CMYA5: variants seen among roughly 807,000 people sequenced by gnomAD.
The protein encoded by CMYA5 is cardiomyopathy-associated protein 5.
CMYA5 carries 246 observed loss-of-function variants against 318.9 expected under a neutral mutation model. That is an observed-to-expected ratio of 0.77 (90% confidence interval 0.70 to 0.86). The LOEUF is 0.86. CMYA5 is among the 40% of genes least tolerant of loss of function. The pLI is 0.00. For synonymous variants in CMYA5, 1,641 were observed against 1,729.5 expected (o/e 0.95, Z 1.27); for missense variants, 4,589 against 4,678.2 (o/e 0.98, Z 0.56).
chr5:79,720,427 AAT>A (rs1561201237), intron 1 of CMYA5, among the ~76,000 whole-genome samples: 1 of 136,806 alleles, frequency 7.3e-6, no homozygotes, highest in African/African-American at 2.9e-5. Flanking sequence ...CTGCCAATCT[AAT>A]TTTTTTTTTT....
intron 1 of CMYA5, among the ~76,000 whole-genome samples, chr5:79,726,853 G>A (rs1827756828): frequency 6.6e-6 from 1 of 150,634 alleles, no homozygotes; most frequent in Admixed American, 6.6e-5. Flanking sequence ...GGTTTGCAGT[G>A]AGAAAGAAAG....
chr5:79,722,613 G>C (rs1364927032), intron 1 of CMYA5, among the ~76,000 whole-genome samples: 1 of 146,420 alleles, frequency 6.8e-6, no homozygotes, highest in Non-Finnish European at 1.5e-5. Context: ...GGAGGCGAAG[G>C]TTGCAGGGAG....
chr5:79,717,373 G>A (rs1827538857), intron 1 of CMYA5, among the ~76,000 whole-genome samples: 1 of 152,140 alleles, frequency 6.6e-6, no homozygotes, highest in Non-Finnish European at 1.5e-5. Context: ...TCTTATAAAG[G>A]AGCTAAGATA....
intron 6 of CMYA5, among the ~76,000 whole-genome samples, chr5:79,757,067 C>T (rs951515053): frequency 6.6e-6 from 1 of 151,556 alleles, no homozygotes; most frequent in Non-Finnish European, 1.5e-5. Flanking sequence ...TGGTAGTGGG[C>T]GCCTGTAATC....
intron 6 of CMYA5, among the ~76,000 whole-genome samples, chr5:79,753,788 A>T (rs1828477545): frequency 7.8e-6 from 1 of 128,134 alleles, no homozygotes; most frequent in Admixed American, 7.9e-5. Flanking sequence ...CCAGCCCTTT[A>T]TAAAATTAAA....
In CMYA5 at chr5:79,732,770, A is replaced by G. The variant is rs1290383519; in HGVS notation, c.4005A>G (p.Ala1335=). The change falls in exon 2 of 13, where the codon GCA becomes GCG. Residue 1335 remains alanine (A), a synonymous_variant. Coordinates refer to ENST00000446378, the MANE Select transcript of CMYA5 (RefSeq NM_153610.5). ...TTGAACATGGTCCACCTGCACTAGCATTTTCAGCTTTGTCAGAAGAAATTA... is the reference window on the plus strand; with the variant it reads ...TTGAACATGGTCCACCTGCACTAGCGTTTTCAGCTTTGTCAGAAGAAATTA... ...KQVEHGPPAL[A]FSALSEEIKK... 2 of 1,613,782 alleles carry G rather than the reference A, an allele frequency of 1.2e-6. No homozygotes were observed. The highest frequency in any genetic ancestry group is 3.3e-5 in the Admixed American group (2 of 59,954).
At chr5:79,713,663 A>T (rs571804247) in intron 1 of CMYA5, among the ~76,000 whole-genome samples, 1 of 151,030 alleles carries the variant, frequency 6.6e-6, no homozygotes, top group East Asian at 2.0e-4. Context: ...TTGATTGTGC[A>T]TGCTAAAGCC....
In CMYA5 at chr5:79,734,981, C is replaced by T. The variant is rs749259076; in HGVS notation, c.6216C>T (p.Ala2072=). The T allele has an allele frequency of 6.2e-7, 1 of 1,613,570 alleles. No homozygotes were observed. The highest frequency in any genetic ancestry group is 1.3e-5 in the African/African-American group (1 of 74,888). The change falls in exon 2 of 13, where the codon GCC becomes GCT. Residue 2072 remains alanine (A), a synonymous_variant. Transcript: ENST00000446378. ...CAATCTCCTCTTCTGTCAAAACAGC[C>T]CATTTCCCGGCAGAAGGTGTGGAAC... ...SETISSSVKT[A]HFPAEGVEPA... is the part of the protein sequence containing the mutation.
rs1255828960 is a variant in CMYA5, at chr5:79,735,523, T to C, written c.6758T>C (p.Leu2253Ser). 1.2e-6 allele frequency: 2 copies of C among 1,612,974 alleles called. No homozygotes were observed. The highest frequency in any genetic ancestry group is 1.3e-5 in the African/African-American group (1 of 74,856). ...ACTGCTGATGAACCCAGAGGTACTTTAGTAAAATCTGGTGACGGTCAAAAC... is the reference window on the plus strand; with the variant it reads ...ACTGCTGATGAACCCAGAGGTACTTCAGTAAAATCTGGTGACGGTCAAAAC... ...LKTADEPRGTLVKSGDGQNVK... is the reference protein window; with the variant it reads ...LKTADEPRGTSVKSGDGQNVK... Residue 2253 changes from leucine (L) to serine (S), a missense_variant, in exon 2 of 13, where the codon TTA (leucine) becomes TCA (serine). By Grantham distance (145) the Leu-to-Ser change is moderately radical (BLOSUM62 -2). This residue lies in a region of CMYA5 where 2,431 missense variants were observed against 2,495.1 expected (regional missense o/e 0.97). Coordinates refer to ENST00000446378, the MANE Select transcript of CMYA5 (RefSeq NM_153610.5).
At position 79,729,016 on chromosome 5, in the gene CMYA5, C is replaced by A. The variant is rs878967030; in HGVS notation, c.251C>A (p.Thr84Asn). The A allele has an allele frequency of 1.2e-6, 2 of 1,613,902 alleles. No individual in the cohort carries two copies. Among genetic ancestry groups the A allele is most frequent in the South Asian group, 2.2e-5 (2 of 91,082 alleles). Residue 84 changes from threonine (T) to asparagine (N), a missense_variant, in exon 2 of 13, where the codon ACC becomes AAC. Thr to Asn is a moderately conservative substitution (Grantham distance 65). Around this residue, in one of 3 missense-constraint regions of CMYA5, gnomAD observed 2,132 missense variants for 2,131.3 expected, o/e 1.00. Coordinates refer to ENST00000446378, the MANE Select transcript of CMYA5 (RefSeq NM_153610.5). ...GTCCAAAGGGAAGATAGTGGGATAACCTGGGAAACCAATTCAAGTAGATCT... is the reference window on the plus strand; with the variant it reads ...GTCCAAAGGGAAGATAGTGGGATAAACTGGGAAACCAATTCAAGTAGATCT... ...VTVQREDSGI[T>N]WETNSSRSST...
In CMYA5 at chr5:79,789,049, C is replaced by T. The variant is rs1829131338; in HGVS notation, c.11634C>T (p.Ala3878=). The T allele has an allele frequency of 3.7e-6, 6 of 1,613,912 alleles. No individual in the cohort carries two copies. The East Asian group carries it at 1.3e-4, about 36-fold the overall frequency. ...PNDNYFFYVR[A]INAFGTSEQS... ...ATAACTACTTTTTCTATGTGAGGGC[C>T]ATCAATGCATTTGGGACAAGTGAAC... Residue 3878 remains alanine, a synonymous_variant, in exon 10 of 13, where the codon GCC becomes GCT. Transcript: ENST00000446378.
At chr5:79,778,811 C>CTGTGTGTGTGTGTGTGTGTGTGTGTGTG (rs35461782) in intron 9 of CMYA5, among the ~76,000 whole-genome samples, 3 of 85,022 alleles carry the variant, frequency 3.5e-5, no homozygotes, top group Non-Finnish European at 6.2e-5. Context: ...CTCTCTCTTT[C>CTGTGTGTGTGTGTGTGTGTGTGTGTGTG]TGTGTGTGTG....
intron 9 of CMYA5, among the ~76,000 whole-genome samples, chr5:79,765,671 G>A (rs1580795513): frequency 6.6e-6 from 1 of 152,280 alleles, no homozygotes. Flanking sequence ...TCTTTGAGCA[G>A]TGGTTTGTAG....
At position 79,738,468 on chromosome 5, in the gene CMYA5, G is replaced by A. The variant is rs1347284512; in HGVS notation, c.9703G>A (p.Gly3235Arg). ...SRNSDTDDGT[G>R]IYFEKYILKD... Reference sequence around the variant, plus strand: ...AAATTCTGACACTGATGATGGAACAGGAATATATTTTGAGAAGTACATACT... The same window carrying A: ...AAATTCTGACACTGATGATGGAACAAGAATATATTTTGAGAAGTACATACT... The change falls in exon 2 of 13, where the codon GGA becomes AGA. Residue 3235 changes from glycine (G) to arginine (R), a missense_variant. By Grantham distance (125) the Gly-to-Arg change is moderately radical. Around this residue, in one of 3 missense-constraint regions of CMYA5, gnomAD observed 2,431 missense variants for 2,495.1 expected, o/e 0.97. Coordinates refer to ENST00000446378, the MANE Select transcript of CMYA5 (RefSeq NM_153610.5). 4 of 1,613,616 alleles carry A rather than the reference G, an allele frequency of 2.5e-6. No individual in the cohort carries two copies. The highest frequency in any genetic ancestry group is 3.4e-6 in the Non-Finnish European group (4 of 1,179,868).
At position 79,789,125 on chromosome 5, in the gene CMYA5, A is replaced by G. The variant is rs764821402; in HGVS notation, c.11689+21A>G. On this transcript the variant is annotated intron_variant, in intron 10 of 12. Transcript: ENST00000446378. ...CAGAGGTACTTTCTCCTTTGCACAC[A>G]GTGAGCTATTTCCAAGCTATTTCTT... 5.0e-6 allele frequency: 8 copies of G among 1,612,452 alleles called. No homozygotes were observed. In the African/African-American group the frequency reaches 6.7e-5, roughly 13 times the overall value.
At chr5:79,717,326 T>C (rs1207774292) in intron 1 of CMYA5, among the ~76,000 whole-genome samples, 1 of 152,148 alleles carries the variant, frequency 6.6e-6, no homozygotes, top group Non-Finnish European at 1.5e-5. Context: ...AAAGAAACAC[T>C]AAGGGACATT....
intron 9 of CMYA5, among the ~76,000 whole-genome samples, chr5:79,776,388 A>G (rs1828938872): frequency 6.6e-6 from 1 of 152,242 alleles, no homozygotes; most frequent in South Asian, 2.1e-4. Flanking sequence ...AAAAAGTTCC[A>G]TATTGACAGT....
intron 11 of CMYA5, 50 bp from the exon 12 acceptor site, chr5:79,793,387 C>A: frequency 6.5e-7 from 1 of 1,540,888 alleles, no homozygotes; most frequent in Non-Finnish European, 8.9e-7. Context: ...TTATGAGATA[C>A]AGGCCGGCGA....
rs917577505 is a variant in CMYA5 at position 79,731,201 on chromosome 5, A to G, written c.2436A>G (p.Gln812=). The G allele has an allele frequency of 3.7e-6, 6 of 1,614,026 alleles. No individual in the cohort carries two copies. Among genetic ancestry groups the G allele is most frequent in the Non-Finnish European group, 5.1e-6 (6 of 1,179,898 alleles). The change falls in exon 2 of 13, where the codon CAA becomes CAG. Residue 812 remains glutamine (Q), a synonymous_variant. Coordinates refer to ENST00000446378, the MANE Select transcript of CMYA5 (RefSeq NM_153610.5). ...CACTCAATGCAACACAGGAATCTCAAAAGAAAATAATCAATGAGGCATCCC... is the reference window on the plus strand; with the variant it reads ...CACTCAATGCAACACAGGAATCTCAGAAGAAAATAATCAATGAGGCATCCC... The part of the protein sequence containing the change: ...AAPLNATQES[Q]KKIINEASQF...
Sources: allele counts gnomAD v4.1 joint callset (sites outside exome capture counted in the v4.1 genomes callset), GRCh38; gene constraint gnomAD v4.1.1; regional missense constraint gnomAD v4.1.1; transcripts MANE v1.5; gene names NCBI Gene and HGNC (gene_info 2026-07-23, HGNC 2026-07-21).